MED13: variants seen among roughly 807,000 people sequenced by gnomAD.
MED13 encodes mediator complex subunit 13.
In MED13, 23 loss-of-function variants were observed where a neutral mutation model predicts 225.2. The observed-to-expected ratio is 0.10, with a 90% CI of 0.07 to 0.14. MED13 has a LOEUF of 0.14. Among genes scored for constraint, MED13 ranks in the 10% least tolerant of loss-of-function variants. The pLI is 1.00. For missense variants in MED13, 2,197 were observed against 2,594.5 expected, an observed-to-expected ratio of 0.85 and a Z score of 3.33; for synonymous variants, 942 against 889.2, an observed-to-expected ratio of 1.06 and a Z score of -1.06.
intron 17 of MED13, among the ~76,000 whole-genome samples, chr17:61,969,297 A>G (rs962140039): frequency 3.9e-5 from 6 of 152,106 alleles, no homozygotes; most frequent in African/African-American, 1.4e-4. Flanking sequence ...GGTTGCGGTG[A>G]GCTGAGATTG....
At chr17:61,974,223 G>A (rs995777650) in intron 16 of MED13, among the ~76,000 whole-genome samples, 5 of 151,798 alleles carry the variant, frequency 3.3e-5, no homozygotes, top group East Asian at 1.9e-4. Context: ...GGCAGCCTGC[G>A]CAACATGGCA....
intron 13 of MED13, 45 bp from the exon 14 acceptor site, chr17:61,984,910 C>A (rs139180520): frequency 3.1e-6 from 5 of 1,590,866 alleles, no homozygotes; most frequent in Non-Finnish European, 4.3e-6. Flanking sequence ...TAAAAATAGG[C>A]GAATCTGTGT....
chr17:62,042,215 T>C (rs1267606362), intron 3 of MED13, among the ~76,000 whole-genome samples: 3 of 152,216 alleles, frequency 2.0e-5, no homozygotes, highest in African/African-American at 7.2e-5. Context: ...CTGTGAATCC[T>C]GTACATATTT....
chr17:62,054,386 T>C (rs2080980886), intron 2 of MED13, among the ~76,000 whole-genome samples: 1 of 152,206 alleles, frequency 6.6e-6, no homozygotes, highest in African/African-American at 2.4e-5. Context: ...TCAGAATTGG[T>C]ATAGAATAAT....
chr17:62,055,429 A>C (rs1395239809), intron 2 of MED13, among the ~76,000 whole-genome samples: 3 of 152,130 alleles, frequency 2.0e-5, no homozygotes, highest in Non-Finnish European at 2.9e-5. Context: ...AGTAAAAGCT[A>C]AAGCACAATT....
rs73991953 is a variant in MED13 at position 61,966,245 on chromosome 17, G to A, written c.4381+217C>T. 3.7e-3 allele frequency among the ~76,000 whole-genome samples: 570 copies of A among 152,262 alleles called. 5 individuals carry two copies. The highest frequency in any genetic ancestry group is 0.013 in the African/African-American group (532 of 41,542). ...TCCCTCATTAGGGATCAGCAAACTT[G>A]TTCTGTAAAGGGTCAGATAATAAAT... On this transcript the variant is annotated intron_variant, in intron 19 of 29. Coordinates refer to ENST00000397786, the MANE Select transcript of MED13 (RefSeq NM_005121.3).
intron 22 of MED13, among the ~76,000 whole-genome samples, 161 bp downstream of exon 22, chr17:61,961,427 G>A (rs570706933): frequency 6.6e-6 from 1 of 150,782 alleles, no homozygotes; most frequent in Non-Finnish European, 1.5e-5. Flanking sequence ...GGCTGAGGCA[G>A]GAGAATCGCT....
At chr17:62,064,992 C>T (rs1043856317) in intron 1 of MED13, 148 bp downstream of exon 1, 7 of 580,468 alleles carry the variant, frequency 1.2e-5, no homozygotes, top group South Asian at 3.4e-5. Context: ...CCTCCCGGGG[C>T]TGGCCGCGGA....
chr17:61,953,252 C>T, intron 26 of MED13, 139 bp from the exon 27 acceptor site: 1 of 823,548 alleles, frequency 1.2e-6, no homozygotes, highest in Non-Finnish European at 1.8e-6. Context: ...TACCATGTGC[C>T]AAGTATTGTG....
chr17:61,948,770 C>T (rs2079871022), intron 28 of MED13, among the ~76,000 whole-genome samples: 1 of 151,270 alleles, frequency 6.6e-6, no homozygotes, highest in Admixed American at 6.6e-5. Context: ...AAACAGTCAA[C>T]TTCCGGTGGT....
At chr17:61,955,321 T>C (rs2079933089) in intron 26 of MED13, 61 bp downstream of exon 26, 1 of 1,321,330 alleles carries the variant, frequency 7.6e-7, no homozygotes, top group Non-Finnish European at 1.0e-6. Flanking sequence ...TTTCAGGTAT[T>C]GGACATGAAT....
At position 61,943,371 on chromosome 17, in the gene MED13, C is replaced by T. The variant is rs1488348784; in HGVS notation, c.*3097G>A. ...ATTTTAAATAATGCAACATAGTATT[C>T]TGATATTACAGTATTAACATAGTGC... On this transcript the variant is annotated 3_prime_UTR_variant, in exon 30 of 30. Transcript: ENST00000397786. 1 of 152,480 alleles carries T rather than the reference C, an allele frequency of 6.6e-6. No individual in the cohort carries two copies. The highest frequency in any genetic ancestry group is 6.6e-5 in the Admixed American group (1 of 15,262). 9.4% of individuals were successfully genotyped at this position (152,480 alleles called of 1,614,324 possible).
Position 62,052,695 on chromosome 17 carries a change from ATCT to A in MED13, c.309_311del (p.Glu103del). The A allele has an allele frequency of 1.3e-6, 2 of 1,563,076 alleles. No homozygotes were observed. The highest frequency in any genetic ancestry group is 1.4e-5 in the African/African-American group (1 of 73,484). Reference sequence around the variant, plus strand: ...AGGAAAGTCCATTCTCCCACACTCCATCTTCTTCTTCTAAAAGAGAAATGAAGG... The same window carrying A: ...AGGAAAGTCCATTCTCCCACACTCCATCTTCTTCTAAAAGAGAAATGAAGG... On this transcript the variant is annotated inframe_deletion, in exon 3 of 30. Transcript: ENST00000397786.
chr17:62,009,123 G>A (rs992018459), intron 9 of MED13, among the ~76,000 whole-genome samples: 1 of 152,094 alleles, frequency 6.6e-6, no homozygotes, highest in African/African-American at 2.4e-5. Flanking sequence ...TAATAAATAG[G>A]TAGACAGTTC....
chr17:61,983,225 T>C (rs950894708), intron 15 of MED13, 111 bp from the exon 16 acceptor site: 15 of 883,280 alleles, frequency 1.7e-5, no homozygotes, highest in Middle Eastern at 3.6e-4. Flanking sequence ...TAGAAAATTA[T>C]GAAAGGACAA....
At chr17:62,030,172 T>C (rs1435867464) in intron 6 of MED13, 159 bp from the exon 7 acceptor site, 2 of 674,918 alleles carry the variant, frequency 3.0e-6, no homozygotes, top group East Asian at 6.0e-5. Flanking sequence ...TGGAACCAGA[T>C]CTCATTAGGC....
At position 61,992,589 on chromosome 17, in the gene MED13, T is replaced by A. The variant is rs770918080; in HGVS notation, c.2214A>T (p.Leu738Phe). The A allele has an allele frequency of 6.2e-7, 1 of 1,611,868 alleles. No individual in the cohort carries two copies. Among genetic ancestry groups the A allele is most frequent in the South Asian group, 1.1e-5 (1 of 90,976 alleles). ...ATGACATAGCATCTTCTTCATGTGA[T>A]AACACTGTTACACTAGATGTCCCAT... ...VEDGTSSVTV[L>F]SHEEDAMSLF... The change falls in exon 11 of 30, where the codon TTA (leucine) becomes TTT (phenylalanine). Residue 738 changes from leucine to phenylalanine, a missense_variant. Leu to Phe is a conservative substitution (Grantham distance 22, BLOSUM62 0). Coordinates refer to ENST00000397786, the MANE Select transcript of MED13 (RefSeq NM_005121.3).
chr17:61,956,774 C>T (rs570615660), intron 23 of MED13, among the ~76,000 whole-genome samples: 1 of 152,148 alleles, frequency 6.6e-6, no homozygotes, highest in Admixed American at 6.6e-5. Flanking sequence ...CTCCTGACCT[C>T]GTGATCTGCC....
chr17:61,995,323 T>G lies in MED13; in HGVS notation c.2010A>C (p.Glu670Asp). 2 of 1,613,316 alleles carry G rather than the reference T, an allele frequency of 1.2e-6. No individual in the cohort carries two copies. The highest frequency in any genetic ancestry group is 3.3e-5 in the Admixed American group (2 of 59,948). Residue 670 changes from glutamate to aspartate, a missense_variant, in exon 10 of 30, where the codon GAA becomes GAC. Physicochemically the swap from Glu to Asp is conservative, Grantham distance 45 (BLOSUM62 2). Around this residue, in one of 12 missense-constraint regions of MED13, gnomAD observed 884 missense variants for 918.5 expected, o/e 0.96. Transcript: ENST00000397786. ...TTTTAATTTGATATTGCTGCACTAA[T>G]TCATCAGAAACTTTTAAAGGTTTCT... is the stretch of plus-strand genomic sequence containing the variant. Reference protein sequence around the residue: ...QCKKPLKVSDELVQQYQIKNQ... With the variant: ...QCKKPLKVSDDLVQQYQIKNQ...
Sources: allele counts gnomAD v4.1 joint callset (sites outside exome capture counted in the v4.1 genomes callset), GRCh38; gene constraint gnomAD v4.1.1; regional missense constraint gnomAD v4.1.1; transcripts MANE v1.5; gene names NCBI Gene and HGNC (gene_info 2026-07-23, HGNC 2026-07-21).